Variants in ASB2 observed in about 807,000 individuals in gnomAD.
ASB2 encodes the protein ankyrin repeat and SOCS box containing 2.
ASB2 carries 58 observed loss-of-function variants against 62.4 expected under a neutral mutation model. The observed-to-expected ratio is 0.93, with a 90% CI of 0.75 to 1.16. The LOEUF is 1.16. Among genes scored for constraint, ASB2 ranks in the 50% most tolerant of loss-of-function variants. The probability of loss-of-function intolerance (pLI) is 0.00; values close to 1 mark genes in which losing one functional copy is unlikely to be tolerated. For missense variants in ASB2, 928 were observed against 887.9 expected (o/e 1.05, Z -0.57); for synonymous variants, 386 against 385.3 (o/e 1.00, Z -0.02).
chr14:93,953,419 C>G lies in ASB2; in HGVS notation c.567G>C (p.Leu189=). 6.2e-7 allele frequency: 1 copy of G among 1,608,716 alleles called. No homozygotes were observed. The highest frequency in any genetic ancestry group is 2.2e-5 in the East Asian group (1 of 44,650). The change falls in exon 5 of 10, where the codon CTG becomes CTC. Residue 189 remains leucine, a synonymous_variant. Coordinates refer to ENST00000555019, the MANE Select transcript of ASB2 (RefSeq NM_001202429.2). ...GCTCTGCCCCTGCTTGGAGCAGTGA[C>G]AGGAGACAGTCCAGGTGGCCCCTGC... ...ATCRGHLDCL[L]SLLQAGAEPD...
rs904511397 is a variant in ASB2 at position 93,939,607 on chromosome 14, A to C, written c.1118T>G (p.Leu373Arg). The C allele has an allele frequency of 6.4e-7, 1 of 1,561,620 alleles. No homozygotes were observed. Among genetic ancestry groups the C allele is most frequent in the Non-Finnish European group, 8.6e-7 (1 of 1,160,282 alleles). ...GTGGTTGCGCTCGGCCGCCAGGTGC[A>C]GCGGACTGACGCCGCTACGGCGTAT... is the stretch of plus-strand genomic sequence containing the variant. ...TRIRRSGVSP[L>R]HLAAERNHDE... is the part of the protein sequence containing the mutation. The change falls in exon 8 of 10, where the codon CTG becomes CGG. Residue 373 changes from leucine to arginine, a missense_variant. Transcript: ENST00000555019.
intron 1 of ASB2, among the ~76,000 whole-genome samples, chr14:93,971,664 T>G (rs2141322815): frequency 6.6e-6 from 1 of 152,298 alleles, no homozygotes; most frequent in Non-Finnish European, 1.5e-5. Context: ...CACCTTCCCT[T>G]GCAGTGAATT....
chr14:93,953,002 G>A (rs1415135227), intron 5 of ASB2, among the ~76,000 whole-genome samples: 1 of 152,178 alleles, frequency 6.6e-6, no homozygotes, highest in East Asian at 1.9e-4. Flanking sequence ...CTGTGGTTCA[G>A]CTCAGGCACC....
At chr14:93,941,709 CG>C (rs1567020615) in intron 7 of ASB2, 1 of 456,104 alleles carries the variant, frequency 2.2e-6, no homozygotes, top group South Asian at 1.5e-5. Flanking sequence ...GGGGCTGCCC[CG>C]GGGCCGCTGG....
chr14:93,953,524 G>A lies in ASB2; in HGVS notation c.479-17C>T, dbSNP rs754282531. On this transcript the variant is annotated splice_polypyrimidine_tract_variant and intron_variant, in intron 4 of 9. Coordinates refer to ENST00000555019, the MANE Select transcript of ASB2 (RefSeq NM_001202429.2). ...CTGGGTACGCTAGGGAGGGCCCACCGGGAAATTCATGTAGGAGAAAGATAC... is the reference window on the plus strand; with the variant it reads ...CTGGGTACGCTAGGGAGGGCCCACCAGGAAATTCATGTAGGAGAAAGATAC... The A allele has an allele frequency of 3.5e-5, 54 of 1,557,200 alleles. No individual in the cohort carries two copies. Among genetic ancestry groups the A allele is most frequent in the East Asian group, 4.6e-5 (2 of 43,346 alleles).
At chr14:93,960,950 GATAAATAA>G (rs3063040) in intron 2 of ASB2, among the ~76,000 whole-genome samples, 5,202 of 144,790 alleles carry the variant, frequency 0.036, 308 homozygotes, top group African/African-American at 0.12. Flanking sequence ...GGGCACTGGA[GATAAATAA>G]ATAAATAAAT....
chr14:93,954,601 A>T, intron 3 of ASB2, 118 bp from the exon 4 acceptor site: 1 of 884,422 alleles, frequency 1.1e-6, no homozygotes, highest in Non-Finnish European at 1.8e-6. Flanking sequence ...TGGTTCCAGG[A>T]TGAGCACTCA....
At chr14:93,953,247 G>A in intron 5 of ASB2, 105 bp downstream of exon 5, 1 of 1,008,368 alleles carries the variant, frequency 9.9e-7, no homozygotes, top group Non-Finnish European at 1.4e-6. Context: ...CATTTGAGCA[G>A]GGCCACGTTG....
intron 9 of ASB2, among the ~76,000 whole-genome samples, chr14:93,936,422 G>A (rs1215146843): frequency 3.3e-5 from 5 of 152,214 alleles, no homozygotes; most frequent in African/African-American, 7.2e-5. Flanking sequence ...GAATGGGTAG[G>A]ACTGATACCT....
intron 2 of ASB2, among the ~76,000 whole-genome samples, chr14:93,960,135 C>T (rs1386585376): frequency 6.6e-6 from 1 of 152,218 alleles, no homozygotes. Context: ...ATGTAATTGG[C>T]TTCCTTTGCA....
At chr14:93,967,644 A>G (rs1004790100) in intron 1 of ASB2, among the ~76,000 whole-genome samples, 1 of 152,154 alleles carries the variant, frequency 6.6e-6, no homozygotes, top group Middle Eastern at 3.4e-3. Context: ...TTGGGGCTGG[A>G]AGTTTTCCGC....
chr14:93,966,238 C>T (rs1232559778), intron 1 of ASB2, among the ~76,000 whole-genome samples: 1 of 152,234 alleles, frequency 6.6e-6, no homozygotes, highest in Non-Finnish European at 1.5e-5. Context: ...GATAGCAGAA[C>T]CTGGCTTTGT....
intron 1 of ASB2, among the ~76,000 whole-genome samples, chr14:93,965,770 C>T (rs1194262326): frequency 6.6e-6 from 1 of 152,244 alleles, no homozygotes; most frequent in East Asian, 1.9e-4. Flanking sequence ...TGATATGGGT[C>T]TCAATATGCA....
chr14:93,938,263 C>CA (rs1465492516), intron 8 of ASB2, among the ~76,000 whole-genome samples: 1 of 66,834 alleles, frequency 1.5e-5, no homozygotes, highest in African/African-American at 6.1e-5. Context: ...TTTTTTGAGA[C>CA]AGAGTCTCGC....
rs1403065397 is a variant in ASB2, at chr14:93,956,836, C to T, written c.241G>A (p.Ala81Thr). ...ACCCCTTGGAACAAGCCCATTGGGG[C>T]CCGGGCCGGCGAACTCTCAGGAGGT... ...TAPPESSPAR[A>T]PMGLFQGVMQ... is the part of the protein sequence containing the mutation. Residue 81 changes from alanine (A) to threonine (T), a missense_variant, in exon 3 of 10, where the codon GCC (alanine) becomes ACC (threonine). Transcript: ENST00000555019. 6.2e-7 allele frequency: 1 copy of T among 1,614,056 alleles called. No homozygotes were observed. The highest frequency in any genetic ancestry group is 8.5e-7 in the Non-Finnish European group (1 of 1,180,024).
At chr14:93,959,715 T>A (rs998138221) in intron 2 of ASB2, among the ~76,000 whole-genome samples, 6 of 151,926 alleles carry the variant, frequency 3.9e-5, no homozygotes, top group African/African-American at 1.5e-4. Context: ...TTGTCATGAA[T>A]TCAGGCACGG....
intron 2 of ASB2, 193 bp from the exon 3 acceptor site, chr14:93,957,063 T>C: frequency 8.9e-6 from 13 of 1,465,214 alleles, no homozygotes; most frequent in East Asian, 2.5e-5. Context: ...CGGATTATTT[T>C]TGGCCCTTGG....
chr14:93,970,176 C>T (rs911457059), intron 1 of ASB2, among the ~76,000 whole-genome samples: 2 of 152,188 alleles, frequency 1.3e-5, no homozygotes, highest in African/African-American at 4.8e-5. Context: ...TGGTCACTCT[C>T]CAGATGTCTT....
At position 93,938,936 on chromosome 14, in the gene ASB2, G is replaced by T. The variant is rs183140042; in HGVS notation, c.1617+172C>A. Reference sequence around the variant, plus strand: ...CTACCCAGGACGCAGGTTAACCACCGTGCTCTGCTGCCTCCAAAGCTGGCC... The same window carrying T: ...CTACCCAGGACGCAGGTTAACCACCTTGCTCTGCTGCCTCCAAAGCTGGCC... On this transcript the variant is annotated intron_variant, in intron 8 of 9. Transcript: ENST00000555019. Among the ~76,000 whole-genome samples, 154 of 152,262 alleles carry T rather than the reference G, an allele frequency of 1.0e-3. 1 individual carries two copies. Among genetic ancestry groups the T allele is most frequent in the Non-Finnish European group, 1.8e-3 (123 of 67,998 alleles).
Sources: allele counts gnomAD v4.1 joint callset (sites outside exome capture counted in the v4.1 genomes callset), GRCh38; gene constraint gnomAD v4.1.1; transcripts MANE v1.5; gene names NCBI Gene and HGNC (gene_info 2026-07-23, HGNC 2026-07-21).